Variants in CNTNAP5 observed in about 807,000 individuals in gnomAD.
The protein encoded by CNTNAP5 is contactin-associated protein-like 5.
CNTNAP5 carries 72 observed loss-of-function variants against 150.2 expected under a neutral mutation model. The ratio of observed to expected loss-of-function variants is 0.48; its 90% CI spans 0.40 to 0.58. The LOEUF (loss-of-function observed/expected upper bound fraction) is 0.58, where lower values mean the gene tolerates loss of function less well. Ranked by LOEUF, CNTNAP5 falls within the 20% of genes least tolerant of loss-of-function variation. CNTNAP5 has a pLI of 0.00. For synonymous variants in CNTNAP5, 672 were observed against 619.8 expected (o/e 1.08, Z -1.25); for missense variants, 1,636 against 1,626.2 (o/e 1.01, Z -0.10).
At chr2:124,459,336 C>A (rs1303284410) in intron 6 of CNTNAP5, among the ~76,000 whole-genome samples, 3 of 152,130 alleles carry the variant, frequency 2.0e-5, no homozygotes, top group Non-Finnish European at 2.9e-5. Flanking sequence ...TGCCTCCCTA[C>A]CCCTGTGGGA....
rs1400205351 is a variant in CNTNAP5 at position 124,900,766 on chromosome 2, G to A, written c.3437-2116G>A. Among the ~76,000 whole-genome samples the A allele has an allele frequency of 5.9e-5, 9 of 151,504 alleles. 1 individual carries two copies. The highest frequency in any genetic ancestry group is 1.2e-4 in the Non-Finnish European group (8 of 68,002). On this transcript the variant is annotated intron_variant, in intron 21 of 23. Coordinates refer to ENST00000682447, the MANE Select transcript of CNTNAP5 (RefSeq NM_001367498.1). ...ACTACAATGACTTGCCATTTTCCATGTTCTGAAATCCTACAATGCAAAAAC... is the reference window on the plus strand; with the variant it reads ...ACTACAATGACTTGCCATTTTCCATATTCTGAAATCCTACAATGCAAAAAC...
At chr2:124,343,492 G>T (rs1424017900) in intron 3 of CNTNAP5, among the ~76,000 whole-genome samples, 1 of 152,058 alleles carries the variant, frequency 6.6e-6, no homozygotes, top group African/African-American at 2.4e-5. Context: ...TTCTTAGGGG[G>T]TTTGTCAAAT....
chr2:124,516,971 T>G (rs1312171587), intron 8 of CNTNAP5, among the ~76,000 whole-genome samples: 1 of 152,168 alleles, frequency 6.6e-6, no homozygotes, highest in Non-Finnish European at 1.5e-5. Flanking sequence ...AAGGGAAGAT[T>G]TCCATTCCCA....
chr2:124,285,875 C>T lies in CNTNAP5; in HGVS notation c.381+43482C>T, dbSNP rs952227618. Among the ~76,000 whole-genome samples the T allele has an allele frequency of 1.8e-4, 27 of 152,040 alleles. 1 individual carries two copies. The highest frequency in any genetic ancestry group is 6.5e-4 in the African/African-American group (27 of 41,416). ...GAGAGAAAACCCTGGGTATGTAAAT[C>T]TTGTTGACACTGTCTCAAACATTCA... is the stretch of plus-strand genomic sequence containing the variant. On this transcript the variant is annotated intron_variant, in intron 3 of 23. Coordinates refer to ENST00000682447, the MANE Select transcript of CNTNAP5 (RefSeq NM_001367498.1).
chr2:124,494,344 AGTT>A (rs1261246734), intron 7 of CNTNAP5, among the ~76,000 whole-genome samples: 1 of 151,976 alleles, frequency 6.6e-6, no homozygotes, highest in South Asian at 2.1e-4. Flanking sequence ...AGGCGCCTGG[AGTT>A]GTTGTTCAAG....
intron 21 of CNTNAP5, among the ~76,000 whole-genome samples, chr2:124,898,669 T>A (rs1287685776): frequency 6.6e-6 from 1 of 151,592 alleles, no homozygotes; most frequent in East Asian, 1.9e-4. Context: ...TTTGTTCAAT[T>A]GTGAATCAGT....
intron 19 of CNTNAP5, among the ~76,000 whole-genome samples, 155 bp from the exon 20 acceptor site, chr2:124,865,151 G>C (rs1036013767): frequency 3.3e-5 from 5 of 151,856 alleles, no homozygotes; most frequent in African/African-American, 1.2e-4. Context: ...TTTCTTTAGG[G>C]ACCCTGATAA....
intron 3 of CNTNAP5, among the ~76,000 whole-genome samples, chr2:124,310,697 A>T (rs1411192672): frequency 6.6e-6 from 1 of 152,192 alleles, no homozygotes; most frequent in Admixed American, 6.5e-5. Context: ...GGATTTATGG[A>T]AATTTTCATT....
intron 13 of CNTNAP5, among the ~76,000 whole-genome samples, chr2:124,715,504 G>A (rs1448397933): frequency 1.3e-5 from 2 of 152,030 alleles, no homozygotes; most frequent in Non-Finnish European, 2.9e-5. Context: ...GAAAAAAGGA[G>A]GGTGGAATTT....
intron 3 of CNTNAP5, among the ~76,000 whole-genome samples, chr2:124,402,231 T>C (rs549891590): frequency 1.3e-5 from 2 of 152,246 alleles, no homozygotes; most frequent in South Asian, 4.1e-4. Flanking sequence ...GAGGAAAATG[T>C]CAAGTTGACC....
intron 3 of CNTNAP5, among the ~76,000 whole-genome samples, chr2:124,299,388 T>G (rs976036653): frequency 6.6e-6 from 1 of 152,196 alleles, no homozygotes; most frequent in Non-Finnish European, 1.5e-5. Flanking sequence ...CTTCTATGTA[T>G]CCATGTGTTC....
At chr2:124,321,623 A>C (rs1190695478) in intron 3 of CNTNAP5, among the ~76,000 whole-genome samples, 4 of 152,178 alleles carry the variant, frequency 2.6e-5, no homozygotes, top group African/African-American at 7.2e-5. Context: ...AAAAGCAAAA[A>C]CAAAAATGTT....
At chr2:124,328,242 A>AG (rs990960982) in intron 3 of CNTNAP5, among the ~76,000 whole-genome samples, 8 of 152,128 alleles carry the variant, frequency 5.3e-5, no homozygotes, top group African/African-American at 1.9e-4. Flanking sequence ...AAAATTCCAC[A>AG]GGGGAAAAGA....
intron 3 of CNTNAP5, among the ~76,000 whole-genome samples, chr2:124,388,375 C>T (rs1246288287): frequency 6.6e-6 from 1 of 152,178 alleles, no homozygotes; most frequent in Non-Finnish European, 1.5e-5. Flanking sequence ...GATGCCACTC[C>T]AGAAAGGCAA....
chr2:124,246,106 T>C lies in CNTNAP5; in HGVS notation c.381+3713T>C, dbSNP rs150609465. Among the ~76,000 whole-genome samples, 384 of 152,194 alleles carry C rather than the reference T, an allele frequency of 2.5e-3. 1 individual carries two copies. Among genetic ancestry groups the C allele is most frequent in the African/African-American group, 8.7e-3 (363 of 41,522 alleles). On this transcript the variant is annotated intron_variant, in intron 3 of 23. Transcript: ENST00000682447. ...GCGGACCCTCAAATTTTAGATAATA[T>C]ATAGTTTGTAGTGCTCTTTAAAATT...
chr2:124,077,687 C>T lies in CNTNAP5; in HGVS notation c.82+51955C>T, dbSNP rs547895598. Among the ~76,000 whole-genome samples, 20 of 152,284 alleles carry T rather than the reference C, an allele frequency of 1.3e-4. No individual in the cohort carries two copies. In the South Asian group the frequency reaches 4.1e-3, roughly 32 times the overall value. On this transcript the variant is annotated intron_variant, in intron 1 of 23. Transcript: ENST00000682447. Reference sequence around the variant, plus strand: ...CAATGCCATCATGCCTGTGTTTAGGCTGGTCCTCCTGATTCTTTGTCCTCA... The same window carrying T: ...CAATGCCATCATGCCTGTGTTTAGGTTGGTCCTCCTGATTCTTTGTCCTCA...
At chr2:124,790,554 CA>C (rs1325915925) in intron 18 of CNTNAP5, among the ~76,000 whole-genome samples, 1 of 152,140 alleles carries the variant, frequency 6.6e-6, no homozygotes, top group Non-Finnish European at 1.5e-5. Context: ...TTATTTTTTA[CA>C]ACAAAGAGAA....
At chr2:124,223,908 G>A (rs1478952615) in intron 2 of CNTNAP5, among the ~76,000 whole-genome samples, 1 of 151,390 alleles carries the variant, frequency 6.6e-6, no homozygotes, top group African/African-American at 2.4e-5. Flanking sequence ...TCATCCTCTA[G>A]TGCATATTCC....
At chr2:124,115,204 A>G (rs1357822272) in intron 1 of CNTNAP5, among the ~76,000 whole-genome samples, 56 of 152,184 alleles carry the variant, frequency 3.7e-4, no homozygotes, top group Admixed American at 3.6e-3. Context: ...TAGATGTACA[A>G]TTCAAATAAT....
Sources: allele counts gnomAD v4.1 joint callset (sites outside exome capture counted in the v4.1 genomes callset), GRCh38; gene constraint gnomAD v4.1.1; transcripts MANE v1.5; gene names NCBI Gene and HGNC (gene_info 2026-07-23, HGNC 2026-07-21).